The following IKZF4 variants were observed in gnomAD, a reference collection of about 807,000 sequenced individuals.
The protein encoded by IKZF4 is IKAROS family zinc finger 4.
Under a neutral mutation model 47.7 loss-of-function variants are expected in IKZF4, and 11 were observed. That is an observed-to-expected ratio of 0.23 (90% CI 0.15 to 0.38). The LOEUF (loss-of-function observed/expected upper bound fraction) is 0.38, where lower values mean the gene tolerates loss of function less well. IKZF4 is among the 10% of genes least tolerant of loss of function. The probability of loss-of-function intolerance (pLI) is 1.00; values close to 1 mark genes in which losing one functional copy is unlikely to be tolerated. For synonymous variants in IKZF4, 298 were observed against 299.4 expected (o/e 1.00, Z 0.05); for missense variants, 557 against 784.9 (o/e 0.71, Z 3.47).
Position 56,035,078 on chromosome 12 carries a change from A to C in IKZF4, c.1505A>C (p.Gln502Pro). ...PAYAKEDPKP[Q>P]EGLLRGTPGP... The stretch of plus-strand genomic sequence containing the variant: ...TACGCCAAAGAGGACCCCAAGCCAC[A>C]GGAGGGGTTATTGCGGGGCACCCCA... Residue 502 changes from glutamine to proline, a missense_variant, in exon 8 of 8, where the codon CAG becomes CCG. Physicochemically the swap from Gln to Pro is moderately conservative, Grantham distance 76. Coordinates refer to ENST00000547167, the MANE Select transcript of IKZF4 (RefSeq NM_022465.4). This position sits in a 1 kb window ranked among gnomAD's most constrained non-coding sequence, Gnocchi z 6.1. The C allele has an allele frequency of 3.8e-6, 6 of 1,597,340 alleles. No individual in the cohort carries two copies. The highest frequency in any genetic ancestry group is 1.1e-5 in the South Asian group (1 of 87,802).
rs376062546 is a variant in IKZF4, at chr12:56,033,447, T to C, written c.997+126T>C. Reference sequence around the variant, plus strand: ...GGTGGGCTGGGTGCAGTGGCTCACGTCTGTAATCCCAGCACTTTGGGAGGC... The same window carrying C: ...GGTGGGCTGGGTGCAGTGGCTCACGCCTGTAATCCCAGCACTTTGGGAGGC... On this transcript the variant is annotated intron_variant, in intron 7 of 7. Transcript: ENST00000547167. The C allele has an allele frequency of 2.4e-4, 290 of 1,198,752 alleles. 3 individuals carry two copies. Among genetic ancestry groups the C allele is most frequent in the East Asian group, 1.8e-3 (74 of 41,418 alleles). The allele number at this position is 1,198,752 out of a possible 1,614,324, so 74.3% of individuals were successfully genotyped here.
In IKZF4 at chr12:56,027,060, C is replaced by T. The variant is rs1242947122; in HGVS notation, c.547+19C>T. 15 of 1,483,246 alleles carry T rather than the reference C, an allele frequency of 1.0e-5. No homozygotes were observed. Among genetic ancestry groups the T allele is most frequent in the Non-Finnish European group, 5.4e-6 (6 of 1,113,974 alleles). The allele number at this position is 1,483,246 out of a possible 1,614,324, so 91.9% of individuals were successfully genotyped here. A position where few individuals can be genotyped will look rare whatever the true frequency, so the allele number is the denominator to read the frequency against. ...CACACTGGTAAGTAAGCCAGAGGGG[C>T]TCTGGGAGGAGCTCCCAGGGTGGGG... On this transcript the variant is annotated intron_variant, in intron 4 of 7. Transcript: ENST00000547167.
rs1895700978 is a variant in IKZF4 at position 56,037,254 on chromosome 12, G to C, written c.*1923G>C. On this transcript the variant is annotated 3_prime_UTR_variant, in exon 8 of 8. Transcript: ENST00000547167. ...TCCCCAAGAGAACCAGATTGGCAGG[G>C]AGAAGCATTGTGGGGCAATTGTTCC... The C allele has an allele frequency of 6.6e-6, 1 of 152,620 alleles. No homozygotes were observed. The allele number at this position is 152,620 out of a possible 1,614,324, so 9.5% of individuals were successfully genotyped here.
Position 56,021,402 on chromosome 12 carries a change from G to A in IKZF4, c.-92G>A, listed in dbSNP as rs1294435144. ...TCACCGTGCCGCTGCTGCTGCCTGC[G>A]AAATGACGGCGGTTCCCCTCACTTC... On this transcript the variant is annotated 5_prime_UTR_variant, in exon 1 of 8. Coordinates refer to ENST00000547167, the MANE Select transcript of IKZF4 (RefSeq NM_022465.4). 5.2e-6 allele frequency: 8 copies of A among 1,550,394 alleles called. No individual in the cohort carries two copies. Among genetic ancestry groups the A allele is most frequent in the Admixed American group, 3.9e-5 (2 of 50,964 alleles).
intron 6 of IKZF4, 33 bp from the exon 7 acceptor site, chr12:56,033,157 C>T (rs778827555): frequency 2.5e-6 from 4 of 1,610,056 alleles, no homozygotes; most frequent in African/African-American, 2.7e-5. Flanking sequence ...CCCTACTCAA[C>T]TGCTACTACT....
At chr12:56,029,809 TC>T (rs1454359155) in intron 5 of IKZF4, 1 of 152,204 alleles carries the variant, frequency 6.6e-6, no homozygotes, top group Non-Finnish European at 1.5e-5. Context: ...TAGCTATTCT[TC>T]AGCCTAGCTG....
chr12:56,028,075 C>T (rs1592967030), intron 5 of IKZF4, 128 bp downstream of exon 5: 1 of 1,036,878 alleles, frequency 9.6e-7, no homozygotes, highest in African/African-American at 1.7e-5. Context: ...ATTTACAGAG[C>T]AGATAGGGCC....
At chr12:56,031,501 T>G (rs921424149) in intron 5 of IKZF4, among the ~76,000 whole-genome samples, 1 of 152,172 alleles carries the variant, frequency 6.6e-6, no homozygotes, top group Non-Finnish European at 1.5e-5. Context: ...GTTCATTTCA[T>G]CCCTAAAATA....
chr12:56,018,669 G>A (rs970315005), upstream of IKZF4, among the ~76,000 whole-genome samples: 8 of 151,564 alleles, frequency 5.3e-5, no homozygotes, highest in African/African-American at 1.9e-4. Context: ...CACTTAAAGG[G>A]ACAGCAGCTT....
exon 2 of IKZF4, chr12:56,011,459 G>C (rs778213429): frequency 3.9e-5 from 6 of 152,276 alleles, no homozygotes; most frequent in Non-Finnish European, 5.9e-5. Flanking sequence ...CAAGAGAAAA[G>C]ATGCATCCAT....
At chr12:56,008,751 T>G (rs895557815) in intron 1 of IKZF4, among the ~76,000 whole-genome samples, 1 of 146,838 alleles carries the variant, frequency 6.8e-6, no homozygotes, top group African/African-American at 2.5e-5. Flanking sequence ...CTCAGCTCAC[T>G]GCAACCTCCA....
intron 2 of IKZF4, 126 bp from the exon 3 acceptor site, chr12:56,024,928 C>A: frequency 6.5e-7 from 1 of 1,528,486 alleles, no homozygotes. Flanking sequence ...GCATACAACA[C>A]TGCTTTGTAC....
chr12:56,022,761 G>A (rs1451274241), intron 1 of IKZF4, among the ~76,000 whole-genome samples: 1 of 151,432 alleles, frequency 6.6e-6, no homozygotes, highest in Non-Finnish European at 1.5e-5. Flanking sequence ...GGCCTTAATT[G>A]GGAAAGCCAC....
intron 1 of IKZF4, among the ~76,000 whole-genome samples, chr12:56,022,693 C>T (rs1893224087): frequency 6.6e-6 from 1 of 152,078 alleles, no homozygotes; most frequent in Admixed American, 6.6e-5. Flanking sequence ...GGGAGGGCAA[C>T]AGCATCAAAG....
upstream of IKZF4, chr12:56,019,416 G>A: frequency 1.0e-6 from 1 of 976,444 alleles, no homozygotes; most frequent in Non-Finnish European, 1.2e-6. Context: ...GTAATGTAAG[G>A]TAAGATGTTG....
At chr12:56,016,654 C>T (rs993983559), upstream of IKZF4, among the ~76,000 whole-genome samples, 2 of 151,242 alleles carry the variant, frequency 1.3e-5, no homozygotes, top group East Asian at 3.9e-4. Flanking sequence ...TGGAGTGCAA[C>T]GGCGTGATCT....
rs560679243 is a variant in IKZF4, at chr12:56,026,416, G to A, written c.287-365G>A. Among the ~76,000 whole-genome samples, 11 of 152,058 alleles carry A rather than the reference G, an allele frequency of 7.2e-5. No homozygotes were observed. In the South Asian group the frequency reaches 1.7e-3, roughly 23 times the overall value. Reference sequence around the variant, plus strand: ...TTAAGAGTGCCATTCTGGGCCAGGCGCAGTGGCTCACACCTGTAATCCCAG... The same window carrying A: ...TTAAGAGTGCCATTCTGGGCCAGGCACAGTGGCTCACACCTGTAATCCCAG... On this transcript the variant is annotated intron_variant, in intron 3 of 7. Transcript: ENST00000547167.
intron 1 of IKZF4, among the ~76,000 whole-genome samples, chr12:56,008,536 TA>T (rs1392382933): frequency 2.6e-5 from 4 of 151,984 alleles, no homozygotes; most frequent in Non-Finnish European, 4.4e-5. Context: ...TCTGTGCCTT[TA>T]AAAAAAATTA....
Position 56,026,962 on chromosome 12 carries a change from T to A in IKZF4, c.468T>A (p.Asn156Lys). The change falls in exon 4 of 8, where the codon AAT becomes AAA. Residue 156 changes from asparagine (N) to lysine (K), a missense_variant. Asn to Lys is a moderately conservative substitution (Grantham distance 94, BLOSUM62 0). Transcript: ENST00000547167. ...CCCCTGGGGGCATCCGGCTGCCCAA[T>A]GGCAAGCTCAAGTGTGACGTCTGCG... is the stretch of plus-strand genomic sequence containing the variant. ...PHSPGGIRLP[N>K]GKLKCDVCGM... is the part of the protein sequence containing the mutation. 1 of 1,611,436 alleles carries A rather than the reference T, an allele frequency of 6.2e-7. No homozygotes were observed. The highest frequency in any genetic ancestry group is 1.1e-5 in the South Asian group (1 of 90,498).
Sources: allele counts gnomAD v4.1 joint callset (sites outside exome capture counted in the v4.1 genomes callset), GRCh38; gene constraint gnomAD v4.1.1; non-coding constraint Gnocchi (gnomAD v3.1); transcripts MANE v1.5; gene names NCBI Gene and HGNC (gene_info 2026-07-23, HGNC 2026-07-21).